TAFA1: variants seen among roughly 807,000 people sequenced by gnomAD.
TAFA1 encodes the protein TAFA chemokine like family member 1.
A neutral mutation model predicts 18.5 loss-of-function variants in TAFA1; 4 were observed. The observed-to-expected ratio is 0.22, with a 90% CI of 0.11 to 0.49. TAFA1 has a LOEUF of 0.49. Among genes scored for constraint, TAFA1 ranks in the 20% least tolerant of loss-of-function variants. The probability of loss-of-function intolerance (pLI) is 0.98; values close to 1 mark genes in which losing one functional copy is unlikely to be tolerated. For synonymous variants in TAFA1, 56 were observed against 55.2 expected (o/e 1.01, Z -0.06); for missense variants, 147 against 169.0 (o/e 0.87, Z 0.72).
chr3:68,308,153 T>C (rs1209552014), intron 2 of TAFA1, among the ~76,000 whole-genome samples: 1 of 152,024 alleles, frequency 6.6e-6, no homozygotes, highest in Non-Finnish European at 1.5e-5. Flanking sequence ...TATAAGCCAA[T>C]AATATTGTAT....
intron 3 of TAFA1, among the ~76,000 whole-genome samples, chr3:68,520,332 AAT>A (rs1427871080): frequency 6.6e-6 from 1 of 152,212 alleles, no homozygotes; most frequent in African/African-American, 2.4e-5. Context: ...TTAAAAGAAC[AAT>A]AAATAAATAT....
chr3:68,180,395 G>C (rs1165339121), intron 2 of TAFA1, among the ~76,000 whole-genome samples: 2 of 152,098 alleles, frequency 1.3e-5, no homozygotes, highest in African/African-American at 4.8e-5. Context: ...ATTGTGAGCT[G>C]AAATGGCAGA....
At chr3:68,353,386 AT>A (rs1256238881) in intron 2 of TAFA1, among the ~76,000 whole-genome samples, 1 of 152,038 alleles carries the variant, frequency 6.6e-6, no homozygotes, top group African/African-American at 2.4e-5. Context: ...TTTATAGGTG[AT>A]TCTCACCTTA....
chr3:67,999,750 C>T (rs1704263923), upstream of TAFA1, among the ~76,000 whole-genome samples: 1 of 151,508 alleles, frequency 6.6e-6, no homozygotes. Flanking sequence ...AGTGTCATTG[C>T]AATAGGCTAA....
At chr3:68,200,827 C>G (rs1317564030) in intron 2 of TAFA1, among the ~76,000 whole-genome samples, 1 of 151,364 alleles carries the variant, frequency 6.6e-6, no homozygotes, top group East Asian at 2.0e-4. Context: ...TGATTTTTCT[C>G]TACTGATTTC....
rs564116840 is a variant in TAFA1 at position 68,335,558 on chromosome 3, A to G, written c.119-81722A>G. 1.3e-4 allele frequency among the ~76,000 whole-genome samples: 20 copies of G among 152,340 alleles called. No individual in the cohort carries two copies. The South Asian group carries it at 1.9e-3, about 14-fold the overall frequency. On this transcript the variant is annotated intron_variant, in intron 2 of 4. Coordinates refer to ENST00000478136, the MANE Select transcript of TAFA1 (RefSeq NM_213609.4). ...TAACTCAAATTTCCAGGCCATTCCAATGGTTTATGGAAACAGTGGGACAAA... is the reference window on the plus strand; with the variant it reads ...TAACTCAAATTTCCAGGCCATTCCAGTGGTTTATGGAAACAGTGGGACAAA...
intron 2 of TAFA1, among the ~76,000 whole-genome samples, chr3:68,109,730 C>T (rs1256273947): frequency 1.3e-5 from 2 of 151,818 alleles, no homozygotes; most frequent in Non-Finnish European, 2.9e-5. Flanking sequence ...ACTATGAGTA[C>T]AAATAAACTA....
chr3:68,117,356 G>A (rs1169814886), intron 2 of TAFA1, among the ~76,000 whole-genome samples: 1 of 152,146 alleles, frequency 6.6e-6, no homozygotes, highest in Non-Finnish European at 1.5e-5. Context: ...TCAGAGGAGT[G>A]GCAACAGTGT....
rs114816866 is a variant in TAFA1 at position 68,435,563 on chromosome 3, C to A, written c.259+18143C>A. Among the ~76,000 whole-genome samples, 1,067 of 152,188 alleles carry A rather than the reference C, an allele frequency of 7.0e-3. 14 individuals carry two copies. The highest frequency in any genetic ancestry group is 0.025 in the African/African-American group (1,032 of 41,536). ...ATTTCTAACCAATACAGAGAATAAACCCAAGAAATGTCAGAAAGGAAACAG... is the reference window on the plus strand; with the variant it reads ...ATTTCTAACCAATACAGAGAATAAAACCAAGAAATGTCAGAAAGGAAACAG... On this transcript the variant is annotated intron_variant, in intron 3 of 4. Transcript: ENST00000478136.
intron 3 of TAFA1, among the ~76,000 whole-genome samples, chr3:68,529,316 T>C (rs1048749592): frequency 2.5e-4 from 38 of 151,656 alleles, no homozygotes; most frequent in African/African-American, 8.9e-4. Flanking sequence ...GTTTAGTGAC[T>C]CTTAACTAGC....
At chr3:68,417,516 C>A in intron 3 of TAFA1, 96 bp downstream of exon 3, 1 of 1,179,356 alleles carries the variant, frequency 8.5e-7, no homozygotes, top group Non-Finnish European at 1.2e-6. Flanking sequence ...AGATAATGAA[C>A]AAGGTGCATC....
At chr3:68,340,540 T>C (rs1267117563) in intron 2 of TAFA1, among the ~76,000 whole-genome samples, 2 of 152,214 alleles carry the variant, frequency 1.3e-5, no homozygotes, top group East Asian at 3.9e-4. Flanking sequence ...CATCGCACTC[T>C]ACTCCTTAGC....
intron 2 of TAFA1, among the ~76,000 whole-genome samples, chr3:68,271,901 G>T (rs758777628): frequency 9.2e-5 from 14 of 151,692 alleles, no homozygotes; most frequent in Non-Finnish European, 1.5e-4. Context: ...CAGAAGCAGG[G>T]ATGTGACACC....
intron 2 of TAFA1, among the ~76,000 whole-genome samples, chr3:68,379,755 T>C (rs1207049631): frequency 6.8e-6 from 1 of 147,706 alleles, no homozygotes; most frequent in East Asian, 2.0e-4. Flanking sequence ...TCCAAAGTTC[T>C]TTTTTTTTTT....
intron 3 of TAFA1, among the ~76,000 whole-genome samples, chr3:68,509,667 A>T (rs1877346): frequency 6.6e-6 from 1 of 152,138 alleles, no homozygotes; most frequent in Admixed American, 6.5e-5. Flanking sequence ...AAAGGGTAAC[A>T]TATCCTGTCA....
intron 2 of TAFA1, among the ~76,000 whole-genome samples, chr3:68,221,442 G>T (rs974092400): frequency 6.6e-6 from 1 of 152,078 alleles, no homozygotes; most frequent in Admixed American, 6.6e-5. Context: ...CAACAACTTA[G>T]ATAATATTTT....
intron 2 of TAFA1, among the ~76,000 whole-genome samples, chr3:68,054,503 C>T (rs2064509644): frequency 6.6e-6 from 1 of 152,212 alleles, no homozygotes; most frequent in African/African-American, 2.4e-5. Context: ...ATAAATTACC[C>T]AGCCTTAGCT....
At chr3:68,138,953 A>T (rs2106897733) in intron 2 of TAFA1, among the ~76,000 whole-genome samples, 1 of 152,316 alleles carries the variant, frequency 6.6e-6, no homozygotes. Context: ...GGCCTCTGTC[A>T]AAGGGAGAAA....
intron 2 of TAFA1, among the ~76,000 whole-genome samples, chr3:68,216,922 G>C (rs561579955): frequency 6.6e-6 from 1 of 152,046 alleles, no homozygotes; most frequent in Admixed American, 6.6e-5. Context: ...AGAAATGATC[G>C]AATAAATAAA....
Sources: gnomAD v4.1 joint callset for allele counts (sites outside exome capture counted in the v4.1 genomes callset) on GRCh38, gnomAD v4.1.1 for gene constraint, MANE v1.5 for transcripts, NCBI Gene and HGNC (gene_info 2026-07-23, HGNC 2026-07-21) for gene names.